The following GADL1 variants were observed in gnomAD, a reference collection of about 807,000 sequenced individuals.
GADL1 encodes the protein acidic amino acid decarboxylase GADL1.
A neutral mutation model predicts 69.5 loss-of-function variants in GADL1; 71 were observed. The observed-to-expected ratio is 1.02, with a 90% confidence interval of 0.84 to 1.25. GADL1 has a LOEUF of 1.25. GADL1 is among the 50% of genes most tolerant of loss of function. The pLI is 0.00. For missense variants in GADL1, 737 were observed against 631.8 expected, an observed-to-expected ratio of 1.17 and a Z score of -1.79; for synonymous variants, 254 against 214.4, an observed-to-expected ratio of 1.18 and a Z score of -1.62.
chr3:30,800,806 GACACAC>G (rs35529398), intron 12 of GADL1, 77 bp downstream of exon 12: 235,775 of 719,712 alleles, frequency 0.33, 14,381 homozygotes, highest in Middle Eastern at 0.38. Flanking sequence ...GACACAGATA[GACACAC>G]ACACACACAC....
chr3:30,795,432 TCAACTA>T (rs1697012058), intron 12 of GADL1, among the ~76,000 whole-genome samples: 1 of 152,186 alleles, frequency 6.6e-6, no homozygotes. Flanking sequence ...AGGAATTTCC[TCAACTA>T]CAACCATTGG....
chr3:30,754,553 A>T (rs1695917501), intron 14 of GADL1, among the ~76,000 whole-genome samples: 1 of 151,954 alleles, frequency 6.6e-6, no homozygotes, highest in Non-Finnish European at 1.5e-5. Flanking sequence ...CAGATGACAA[A>T]GAGTGTATTA....
chr3:30,816,107 A>C (rs950201825), intron 11 of GADL1, among the ~76,000 whole-genome samples: 1 of 152,150 alleles, frequency 6.6e-6, no homozygotes, highest in African/African-American at 2.4e-5. Flanking sequence ...ACATGAGAAC[A>C]GGTAAGGGAG....
At chr3:30,730,855 A>ATG (rs140958328) in intron 14 of GADL1, among the ~76,000 whole-genome samples, 109 of 151,380 alleles carry the variant, frequency 7.2e-4, no homozygotes, top group African/African-American at 1.9e-3. Context: ...GTGCATAAGC[A>ATG]TGTGTGTGTG....
At chr3:30,847,962 GC>G (rs1476093456) in intron 6 of GADL1, among the ~76,000 whole-genome samples, 2 of 152,082 alleles carry the variant, frequency 1.3e-5, no homozygotes. Context: ...ACTCCAGCAA[GC>G]TTTAAACCAA....
chr3:30,728,416 C>A lies in GADL1; in HGVS notation c.1393-1G>T, dbSNP rs112411488. 8.7e-6 allele frequency: 14 copies of A among 1,613,072 alleles called. No individual in the cohort carries two copies. In the African/African-American group the frequency reaches 1.3e-4, roughly 15 times the overall value. ...TCCTCTCCTTAATGGCTGGGGCCAC[C>A]TGTGTGGGGAGAAAAGGGGAGAGGG... On this transcript the variant is annotated splice_acceptor_variant, in intron 14 of 14. Transcript: ENST00000282538. LOFTEE classifies it high-confidence loss of function.
At chr3:30,752,531 GCTT>G (rs1315864975) in intron 14 of GADL1, among the ~76,000 whole-genome samples, 1 of 152,180 alleles carries the variant, frequency 6.6e-6, no homozygotes, top group Non-Finnish European at 1.5e-5. Context: ...GACACTGTTT[GCTT>G]CTTTAAATCA....
At chr3:30,794,090 A>G (rs1696977390) in intron 12 of GADL1, among the ~76,000 whole-genome samples, 1 of 152,210 alleles carries the variant, frequency 6.6e-6, no homozygotes, top group Admixed American at 6.5e-5. Context: ...TGTACCTCCC[A>G]TCACCTAGAG....
intron 11 of GADL1, among the ~76,000 whole-genome samples, chr3:30,801,626 C>T (rs944254202): frequency 2.6e-5 from 4 of 152,196 alleles, no homozygotes; most frequent in Admixed American, 6.5e-5. Context: ...CACAGAACAT[C>T]AGCTATAATC....
At position 30,763,429 on chromosome 3, in the gene GADL1, G is replaced by GA. The variant is rs1696188710; in HGVS notation, c.1392+14749dup. 2.0e-5 allele frequency among the ~76,000 whole-genome samples: 3 copies of GA among 147,500 alleles called. No homozygotes were observed. In the South Asian group the frequency reaches 6.4e-4, roughly 32 times the overall value. On this transcript the variant is annotated intron_variant, in intron 14 of 14. Coordinates refer to ENST00000282538, the MANE Select transcript of GADL1 (RefSeq NM_207359.3). ...GAGGCAGGAGAATGGCTGAACCCGG[G>GA]AGGTGGAACTTGCAGTGAACCGAGA...
At chr3:30,857,466 TAAA>T (rs1392759135) in intron 2 of GADL1, among the ~76,000 whole-genome samples, 1 of 151,816 alleles carries the variant, frequency 6.6e-6, no homozygotes, top group African/African-American at 2.4e-5. Context: ...AAAGTAAAAT[TAAA>T]AAAGATAAAA....
At chr3:30,877,553 A>G (rs1698594062) in intron 1 of GADL1, among the ~76,000 whole-genome samples, 2 of 151,918 alleles carry the variant, frequency 1.3e-5, no homozygotes, top group African/African-American at 4.8e-5. Flanking sequence ...AATGCATATG[A>G]AGGAAATACA....
At chr3:30,829,481 A>G (rs72849888) in intron 11 of GADL1, among the ~76,000 whole-genome samples, 15,501 of 151,920 alleles carry the variant, frequency 0.1, 1,897 homozygotes, top group East Asian at 0.32. Flanking sequence ...TTACATCAAC[A>G]GAAGAACCAA....
chr3:30,786,420 TCA>T lies in GADL1; in HGVS notation c.1251-16_1251-15del. On this transcript the variant is annotated splice_polypyrimidine_tract_variant and intron_variant, in intron 12 of 14. Transcript: ENST00000282538. ...TCTACTAGGTACCTAAAATTAAAAG[TCA>T]CAATAATATTTATAATCTGCAATGT... is the stretch of plus-strand genomic sequence containing the variant. 7.7e-7 allele frequency: 1 copy of T among 1,295,824 alleles called. No individual in the cohort carries two copies. Among genetic ancestry groups the T allele is most frequent in the Non-Finnish European group, 1.1e-6 (1 of 895,254 alleles). The allele number at this position is 1,295,824 out of a possible 1,614,324, so 80.3% of individuals were successfully genotyped here.
chr3:30,854,648 TA>T, intron 4 of GADL1, 50 bp downstream of exon 4: 1 of 1,073,808 alleles, frequency 9.3e-7, no homozygotes, highest in Non-Finnish European at 1.4e-6. Flanking sequence ...TTCATCTACT[TA>T]AAGTCTCTAA....
chr3:30,856,910 C>G, intron 3 of GADL1, 105 bp downstream of exon 3: 1 of 899,202 alleles, frequency 1.1e-6, no homozygotes, highest in Non-Finnish European at 1.6e-6. Flanking sequence ...TTTTTTGATC[C>G]AGATTTCTCG....
intron 11 of GADL1, among the ~76,000 whole-genome samples, chr3:30,818,937 C>T (rs1189596064): frequency 6.6e-6 from 1 of 152,110 alleles, no homozygotes; most frequent in Non-Finnish European, 1.5e-5. Context: ...TATTTCCAGG[C>T]TTCATTGTGT....
intron 6 of GADL1, among the ~76,000 whole-genome samples, chr3:30,848,102 T>C (rs2125530717): frequency 6.6e-6 from 1 of 152,238 alleles, no homozygotes; most frequent in African/African-American, 2.4e-5. Flanking sequence ...TCCACTGGGG[T>C]CCCTCACATT....
At chr3:30,782,959 GAAA>G (rs1215569815) in intron 13 of GADL1, among the ~76,000 whole-genome samples, 1 of 152,158 alleles carries the variant, frequency 6.6e-6, no homozygotes, top group African/African-American at 2.4e-5. Flanking sequence ...AACAATGTAA[GAAA>G]AATCACAATG....
Sources: gnomAD v4.1 joint callset for allele counts (sites outside exome capture counted in the v4.1 genomes callset) on GRCh38, gnomAD v4.1.1 for gene constraint, MANE v1.5 for transcripts, NCBI Gene and HGNC (gene_info 2026-07-23, HGNC 2026-07-21) for gene names.